Variants in CCSER1 observed in about 807,000 individuals in gnomAD.
CCSER1 encodes the protein coiled-coil serine rich protein 1, also known as serine-rich coiled-coil domain-containing protein 1.
Under a neutral mutation model 82.0 loss-of-function variants are expected in CCSER1, and 41 were observed. That is an observed-to-expected ratio of 0.50 (90% CI 0.39 to 0.65). The LOEUF (loss-of-function observed/expected upper bound fraction) is 0.65, where lower values mean the gene tolerates loss of function less well. Ranked by LOEUF, CCSER1 falls within the 30% of genes least tolerant of loss-of-function variation. The pLI is 0.00. For missense variants in CCSER1, 1,119 were observed against 1,064.2 expected (o/e 1.05, Z -0.72); for synonymous variants, 414 against 383.9 (o/e 1.08, Z -0.92).
chr4:91,256,295 C>T (rs145929371), intron 10 of CCSER1, among the ~76,000 whole-genome samples: 274 of 152,252 alleles, frequency 1.8e-3, no homozygotes, highest in Middle Eastern at 0.01. Context: ...GTTCTCTGCT[C>T]TCGAACCCTG....
At chr4:90,974,923 A>G (rs950161201) in intron 9 of CCSER1, among the ~76,000 whole-genome samples, 1 of 151,412 alleles carries the variant, frequency 6.6e-6, no homozygotes, top group Admixed American at 6.6e-5. Flanking sequence ...TCAAATGTAC[A>G]TAGCAGCATT....
chr4:91,091,903 A>C (rs1221590250), intron 10 of CCSER1, among the ~76,000 whole-genome samples: 2 of 152,216 alleles, frequency 1.3e-5, no homozygotes, highest in Middle Eastern at 3.4e-3. Flanking sequence ...ACCCAAGTTG[A>C]GATTGTCTGG....
At chr4:91,087,143 C>T (rs1723470887) in intron 10 of CCSER1, among the ~76,000 whole-genome samples, 1 of 152,046 alleles carries the variant, frequency 6.6e-6, no homozygotes. Context: ...ATAGAAAGAA[C>T]TAAACTGATC....
intron 10 of CCSER1, among the ~76,000 whole-genome samples, chr4:91,141,089 A>T (rs1472144411): frequency 6.6e-6 from 1 of 151,402 alleles, no homozygotes; most frequent in Non-Finnish European, 1.5e-5. Flanking sequence ...ACATTAATTT[A>T]CTTTTTACTT....
intron 3 of CCSER1, among the ~76,000 whole-genome samples, chr4:90,355,288 A>C (rs1579354011): frequency 6.6e-6 from 1 of 152,148 alleles, no homozygotes; most frequent in East Asian, 1.9e-4. Context: ...ATATTATAGT[A>C]AAAGAAAGAA....
At chr4:90,976,648 A>C (rs1735639235) in intron 9 of CCSER1, among the ~76,000 whole-genome samples, 1 of 151,546 alleles carries the variant, frequency 6.6e-6, no homozygotes, top group Non-Finnish European at 1.5e-5. Context: ...AATCCACAGG[A>C]TCAACAATAA....
At chr4:90,305,252 A>C (rs895244385) in intron 1 of CCSER1, among the ~76,000 whole-genome samples, 1 of 152,186 alleles carries the variant, frequency 6.6e-6, no homozygotes, top group Non-Finnish European at 1.5e-5. Flanking sequence ...TGCAGGAAAT[A>C]CTTTAAAAAT....
chr4:91,323,596 G>C (rs1389336923), intron 10 of CCSER1, among the ~76,000 whole-genome samples: 2 of 152,096 alleles, frequency 1.3e-5, no homozygotes, highest in African/African-American at 4.8e-5. Context: ...CATAGGTTAA[G>C]ATATTTACCT....
At chr4:90,228,631 G>A (rs1373827042) in intron 1 of CCSER1, among the ~76,000 whole-genome samples, 1 of 152,192 alleles carries the variant, frequency 6.6e-6, no homozygotes, top group Admixed American at 6.5e-5. Context: ...GAATGACTTT[G>A]ACGAGCTGAG....
At chr4:91,168,064 C>T (rs186907024) in intron 10 of CCSER1, among the ~76,000 whole-genome samples, 3 of 149,218 alleles carry the variant, frequency 2.0e-5, no homozygotes, top group Admixed American at 2.0e-4. Flanking sequence ...GCCCAGCCGC[C>T]CTGTCTGGGA....
chr4:90,559,430 C>A (rs1778473964), intron 5 of CCSER1, among the ~76,000 whole-genome samples: 1 of 152,012 alleles, frequency 6.6e-6, no homozygotes, highest in African/African-American at 2.4e-5. Context: ...TAGGACAACC[C>A]AAGGTAAGGT....
At position 91,598,607 on chromosome 4, in the gene CCSER1, C is replaced by T. The variant is rs752331611; in HGVS notation, c.2253C>T (p.Leu751=). The change falls in exon 11 of 11, where the codon CTC becomes CTT. Residue 751 remains leucine, a synonymous_variant. Transcript: ENST00000509176. ...TYRNRIVSQN[L]STRDRKAIHT... ...GAAATCGAATTGTGAGCCAAAATCTCAGCACAAGGGACAGAAAAGCAATAC... is the reference window on the plus strand; with the variant it reads ...GAAATCGAATTGTGAGCCAAAATCTTAGCACAAGGGACAGAAAAGCAATAC... The T allele has an allele frequency of 2.6e-5, 40 of 1,550,146 alleles. No homozygotes were observed. Among genetic ancestry groups the T allele is most frequent in the Non-Finnish European group, 3.1e-5 (36 of 1,146,016 alleles).
chr4:90,164,796 C>G (rs1426822560), intron 1 of CCSER1, among the ~76,000 whole-genome samples: 1 of 152,038 alleles, frequency 6.6e-6, no homozygotes, highest in Admixed American at 6.6e-5. Flanking sequence ...GAGCACCCAC[C>G]CATACCCATA....
intron 6 of CCSER1, among the ~76,000 whole-genome samples, chr4:90,689,390 A>G (rs1735409484): frequency 6.6e-6 from 1 of 152,284 alleles, no homozygotes; most frequent in African/African-American, 2.4e-5. Flanking sequence ...AATTCTTTAT[A>G]GTGCCCAACA....
chr4:90,884,866 G>C (rs1172937588), intron 8 of CCSER1, among the ~76,000 whole-genome samples: 2 of 151,984 alleles, frequency 1.3e-5, no homozygotes, highest in Non-Finnish European at 2.9e-5. Flanking sequence ...TGAAGCAATG[G>C]GCAGATAAAG....
chr4:90,610,720 A>G (rs1438511367), intron 5 of CCSER1, among the ~76,000 whole-genome samples: 1 of 152,226 alleles, frequency 6.6e-6, no homozygotes, highest in Non-Finnish European at 1.5e-5. Context: ...TTATGTGAAA[A>G]GCTACACACA....
intron 10 of CCSER1, among the ~76,000 whole-genome samples, chr4:91,242,409 A>G (rs925197946): frequency 3.3e-5 from 5 of 152,328 alleles, no homozygotes; most frequent in East Asian, 3.9e-4. Flanking sequence ...TTTCTCTTCT[A>G]TCTAATAATT....
At chr4:91,015,115 G>C (rs915464865) in intron 9 of CCSER1, among the ~76,000 whole-genome samples, 1 of 152,002 alleles carries the variant, frequency 6.6e-6, no homozygotes, top group Non-Finnish European at 1.5e-5. Flanking sequence ...ACTGATGTTA[G>C]TCTGTGAAAT....
chr4:90,760,489 C>A (rs1006093276), intron 7 of CCSER1, among the ~76,000 whole-genome samples: 4 of 151,674 alleles, frequency 2.6e-5, no homozygotes, highest in African/African-American at 7.3e-5. Flanking sequence ...GAACAAATAA[C>A]AAAAAGTAAA....
Sources: gnomAD v4.1 joint callset for allele counts (sites outside exome capture counted in the v4.1 genomes callset) on GRCh38, gnomAD v4.1.1 for gene constraint, MANE v1.5 for transcripts, NCBI Gene and HGNC (gene_info 2026-07-23, HGNC 2026-07-21) for gene names.